The following AKT3 variants were observed in gnomAD, a reference collection of about 807,000 sequenced individuals.
AKT3 encodes RAC-gamma serine/threonine-protein kinase.
Under a neutral mutation model 65.3 loss-of-function variants are expected in AKT3, and 15 were observed. The observed-to-expected ratio is 0.23, with a 90% confidence interval of 0.15 to 0.35. AKT3 has a LOEUF of 0.35. Among genes scored for constraint, AKT3 ranks in the 10% least tolerant of loss-of-function variants. The probability of loss-of-function intolerance (pLI) is 1.00; values close to 1 mark genes in which losing one functional copy is unlikely to be tolerated. For missense variants in AKT3, 243 were observed against 576.5 expected, an observed-to-expected ratio of 0.42 and a Z score of 5.92; for synonymous variants, 206 against 183.8, an observed-to-expected ratio of 1.12 and a Z score of -0.98.
At chr1:243,697,897 A>G (rs552883789) in intron 2 of AKT3, among the ~76,000 whole-genome samples, 1 of 152,156 alleles carries the variant, frequency 6.6e-6, no homozygotes, top group Non-Finnish European at 1.5e-5. Flanking sequence ...TGATTTATTA[A>G]ACAAATGAAT....
chr1:243,740,328 C>A (rs572582218), intron 2 of AKT3, among the ~76,000 whole-genome samples: 3 of 152,282 alleles, frequency 2.0e-5, no homozygotes, highest in Middle Eastern at 3.4e-3. Context: ...CGTTTGCCCC[C>A]CTTCTTACAA....
At chr1:243,810,746 A>T (rs1444150129) in intron 2 of AKT3, among the ~76,000 whole-genome samples, 2 of 152,202 alleles carry the variant, frequency 1.3e-5, no homozygotes, top group African/African-American at 4.8e-5. Context: ...TTAGACCAAC[A>T]TCCCTGATGA....
chr1:243,818,549 A>C (rs191199968), intron 2 of AKT3, among the ~76,000 whole-genome samples: 1 of 152,354 alleles, frequency 6.6e-6, no homozygotes, highest in East Asian at 1.9e-4. Context: ...TTTTGGACTA[A>C]GAAAAAATGG....
At chr1:243,568,438 A>AG (rs1674330195) in intron 9 of AKT3, among the ~76,000 whole-genome samples, 1 of 151,474 alleles carries the variant, frequency 6.6e-6, no homozygotes, top group Non-Finnish European at 1.5e-5. Flanking sequence ...TTGAGGAGAG[A>AG]GAAAAAAAAA....
intron 2 of AKT3, among the ~76,000 whole-genome samples, chr1:243,753,390 C>G (rs1688930118): frequency 6.6e-6 from 1 of 152,102 alleles, no homozygotes; most frequent in Non-Finnish European, 1.5e-5. Flanking sequence ...TTTTCACTTT[C>G]CTACAGTTTC....
At chr1:243,773,623 G>A (rs185191632) in intron 2 of AKT3, among the ~76,000 whole-genome samples, 15 of 151,736 alleles carry the variant, frequency 9.9e-5, no homozygotes, top group Non-Finnish European at 1.5e-4. Context: ...AGACCCCATC[G>A]CCCCCCACAA....
At chr1:243,687,719 T>A (rs557994767) in intron 3 of AKT3, 2 of 152,302 alleles carry the variant, frequency 1.3e-5, no homozygotes, top group East Asian at 3.9e-4. Context: ...ATGATTTGAA[T>A]TGGAGCCTGA....
At chr1:243,850,622 C>T (rs1178606357), upstream of AKT3, among the ~76,000 whole-genome samples, 2 of 149,902 alleles carry the variant, frequency 1.3e-5, no homozygotes, top group Non-Finnish European at 2.9e-5. Flanking sequence ...TTGTTGTTGA[C>T]TTTGAGGAAA....
intron 2 of AKT3, among the ~76,000 whole-genome samples, chr1:243,797,810 C>A (rs1251887509): frequency 2.0e-5 from 3 of 149,472 alleles, no homozygotes; most frequent in African/African-American, 4.9e-5. Flanking sequence ...TCTACATAAT[C>A]AAATAGATCA....
chr1:243,709,996 T>C (rs888602621), intron 2 of AKT3, among the ~76,000 whole-genome samples: 1 of 152,134 alleles, frequency 6.6e-6, no homozygotes, highest in East Asian at 1.9e-4. Context: ...TTTTTTGAAC[T>C]AAAACACATT....
intron 10 of AKT3, among the ~76,000 whole-genome samples, chr1:243,554,187 T>A (rs1417096958): frequency 6.6e-6 from 1 of 152,162 alleles, no homozygotes; most frequent in Non-Finnish European, 1.5e-5. Flanking sequence ...TTTGGTAGGG[T>A]ATTTAAAGAC....
At chr1:243,562,560 C>T in intron 10 of AKT3, among the ~76,000 whole-genome samples, 1 of 152,124 alleles carries the variant, frequency 6.6e-6, no homozygotes, top group East Asian at 1.9e-4. Context: ...AACAAAGGCA[C>T]CATGCAGCTT....
intron 12 of AKT3, among the ~76,000 whole-genome samples, chr1:243,524,017 C>T (rs1169297962): frequency 6.6e-6 from 1 of 152,178 alleles, no homozygotes; most frequent in East Asian, 1.9e-4. Context: ...GTGTAACCTA[C>T]AACACACCTA....
intron 2 of AKT3, among the ~76,000 whole-genome samples, chr1:243,810,533 A>G (rs1693066605): frequency 6.6e-6 from 1 of 152,232 alleles, no homozygotes; most frequent in Admixed American, 6.5e-5. Flanking sequence ...GGCAATAATT[A>G]ATAGCTTACC....
At chr1:243,554,468 G>A (rs1673280028) in intron 10 of AKT3, among the ~76,000 whole-genome samples, 1 of 152,080 alleles carries the variant, frequency 6.6e-6, no homozygotes, top group Non-Finnish European at 1.5e-5. Context: ...ATTTTTACTT[G>A]TTTGAAATGA....
intron 12 of AKT3, among the ~76,000 whole-genome samples, chr1:243,522,398 C>T (rs1428894089): frequency 1.3e-5 from 2 of 152,186 alleles, no homozygotes; most frequent in African/African-American, 4.8e-5. Flanking sequence ...TGGCTCACGC[C>T]TATAATTCCA....
At chr1:243,754,765 A>C (rs1689022154) in intron 2 of AKT3, among the ~76,000 whole-genome samples, 1 of 152,072 alleles carries the variant, frequency 6.6e-6, no homozygotes, top group Non-Finnish European at 1.5e-5. Flanking sequence ...CCCCTCCCAC[A>C]CACCACCCAG....
chr1:243,771,846 G>A (rs1690206071), intron 2 of AKT3, among the ~76,000 whole-genome samples: 1 of 152,128 alleles, frequency 6.6e-6, no homozygotes, highest in Admixed American at 6.6e-5. Context: ...CAGAGATACA[G>A]ACCAATGGAA....
intron 4 of AKT3, among the ~76,000 whole-genome samples, chr1:243,654,901 G>C (rs894038366): frequency 6.6e-6 from 1 of 152,032 alleles, no homozygotes; most frequent in Non-Finnish European, 1.5e-5. Context: ...AGTCTAATGA[G>C]ATTAGGGATT....
Sources: gnomAD v4.1 joint callset for allele counts (sites outside exome capture counted in the v4.1 genomes callset) on GRCh38, gnomAD v4.1.1 for gene constraint, MANE v1.5 for transcripts, NCBI Gene and HGNC (gene_info 2026-07-23, HGNC 2026-07-21) for gene names.